Variants in SLC43A1 observed in about 807,000 individuals in gnomAD.
SLC43A1 encodes the protein large neutral amino acids transporter small subunit 3.
SLC43A1 carries 31 observed loss-of-function variants against 59.5 expected under a neutral mutation model. The observed-to-expected ratio is 0.52, with a 90% CI of 0.39 to 0.70. SLC43A1 has a LOEUF of 0.70. SLC43A1 is among the 30% of genes least tolerant of loss of function. SLC43A1 has a pLI of 0.00. For missense variants in SLC43A1, 598 were observed against 717.8 expected (o/e 0.83, Z 1.91); for synonymous variants, 259 against 290.9 (o/e 0.89, Z 1.12).
intron 2 of SLC43A1, among the ~76,000 whole-genome samples, chr11:57,506,694 C>A (rs960624011): frequency 1.1e-5 from 1 of 92,190 alleles, no homozygotes; most frequent in African/African-American, 4.9e-5. Context: ...GAAACTAAAT[C>A]TTTACTCTGC....
At chr11:57,499,836 A>G (rs1464232169) in intron 5 of SLC43A1, among the ~76,000 whole-genome samples, 1 of 152,150 alleles carries the variant, frequency 6.6e-6, no homozygotes, top group African/African-American at 2.4e-5. Flanking sequence ...GTCTGAGGTC[A>G]AGCGCCGGAG....
chr11:57,501,816 A>T (rs968029219), intron 2 of SLC43A1, among the ~76,000 whole-genome samples: 1 of 152,224 alleles, frequency 6.6e-6, no homozygotes, highest in Admixed American at 6.5e-5. Context: ...CCTGGGCAAC[A>T]TGGTAAAACC....
intron 13 of SLC43A1, 46 bp downstream of exon 13, chr11:57,488,860 GGTTCTCTGAT>G (rs1943817388): frequency 1.4e-6 from 2 of 1,463,544 alleles, no homozygotes; most frequent in Non-Finnish European, 1.9e-6. Context: ...CCTTCCCTGG[GGTTCTCTGAT>G]CACGGTTGCA....
chr11:57,492,568 ATATAT>A (rs1943957040), intron 8 of SLC43A1, among the ~76,000 whole-genome samples: 13 of 28,158 alleles, frequency 4.6e-4, no homozygotes, highest in Admixed American at 1.3e-3. Flanking sequence ...ATATATATAT[ATATAT>A]AAAAAAATAA....
Position 57,501,337 on chromosome 11 carries a change from G to T in SLC43A1, c.155-8C>A. ...TGTTGGTGCTGCTCTCAGCTGAGGA[G>T]GGGGAAGGGAGGGCTCAGCACATGA... On this transcript the variant is annotated splice_polypyrimidine_tract_variant and splice_region_variant and intron_variant, in intron 2 of 14. Coordinates refer to ENST00000278426, the MANE Select transcript of SLC43A1 (RefSeq NM_003627.6). The T allele has an allele frequency of 6.2e-7, 1 of 1,606,714 alleles. No individual in the cohort carries two copies.
chr11:57,504,892 AG>A (rs1463478134), intron 2 of SLC43A1, among the ~76,000 whole-genome samples: 2 of 152,238 alleles, frequency 1.3e-5, no homozygotes, highest in African/African-American at 2.4e-5. Flanking sequence ...TTCATAAGGA[AG>A]GCTTGATCAC....
intron 7 of SLC43A1, 118 bp downstream of exon 7, chr11:57,495,913 G>A (rs765565624): frequency 5.8e-5 from 69 of 1,180,368 alleles, no homozygotes; most frequent in Non-Finnish European, 8.0e-5. Context: ...GGGCTCAAGC[G>A]ATTTGCCAAG....
intron 8 of SLC43A1, among the ~76,000 whole-genome samples, chr11:57,492,148 C>G (rs1394441639): frequency 6.6e-6 from 1 of 151,184 alleles, no homozygotes; most frequent in Non-Finnish European, 1.5e-5. Flanking sequence ...GTAGGAGGAT[C>G]ACTTGAGCCC....
At position 57,487,087 on chromosome 11, in the gene SLC43A1, G is replaced by C; in HGVS notation, c.1533+8C>G. 6.2e-7 allele frequency: 1 copy of C among 1,613,042 alleles called. No individual in the cohort carries two copies. The highest frequency in any genetic ancestry group is 8.5e-7 in the Non-Finnish European group (1 of 1,179,602). ...TCCTGCTCCCCCCACACCAACCCTCGCTCTCACCCAGAAGGGCTCTCCTTT... is the reference window on the plus strand; with the variant it reads ...TCCTGCTCCCCCCACACCAACCCTCCCTCTCACCCAGAAGGGCTCTCCTTT... On this transcript the variant is annotated splice_region_variant and intron_variant, in intron 14 of 14. Transcript: ENST00000278426.
intron 11 of SLC43A1, 103 bp from the exon 12 acceptor site, chr11:57,489,495 C>T: frequency 7.4e-7 from 1 of 1,346,044 alleles, no homozygotes; most frequent in Non-Finnish European, 1.0e-6. Flanking sequence ...GATGTCAGGG[C>T]AGCAGAAAAC....
rs1944620880 is a variant in SLC43A1, at chr11:57,514,106, GGCCATGCTGGCCCC to G, written c.-9_5del. The stretch of plus-strand genomic sequence containing the variant: ...TCCGGTACGCCTGTTGCAGCGTGGG[GGCCATGCTGGCCCC>G]GAGCCTGCACAGAAACAGAGCGCTG... On this transcript the variant is annotated start_lost and 5_prime_UTR_variant, in exon 2 of 15. Transcript: ENST00000278426. This position sits in a 1 kb window ranked among gnomAD's most constrained non-coding sequence, Gnocchi z 5.5. 6.3e-7 allele frequency: 1 copy of G among 1,588,272 alleles called. No homozygotes were observed. The highest frequency in any genetic ancestry group is 8.6e-7 in the Non-Finnish European group (1 of 1,168,422).
rs1944631044 is a variant in SLC43A1 at position 57,514,433 on chromosome 11, C to T, written c.-13-309G>A. The T allele has an allele frequency of 2.1e-5, 7 of 332,092 alleles. No individual in the cohort carries two copies. Among genetic ancestry groups the T allele is most frequent in the Non-Finnish European group, 1.7e-5 (3 of 179,594 alleles). The allele number at this position is 332,092 out of a possible 1,614,324, so 20.6% of individuals were successfully genotyped here. A position where few individuals can be genotyped will look rare whatever the true frequency, so the allele number is the denominator to read the frequency against. ...CCAGGCCAGGGCGCTCAGGGCCGGG[C>T]TGCTGGGGAGAAAGTCCGCATCTGC... On this transcript the variant is annotated intron_variant, in intron 1 of 14. Coordinates refer to ENST00000278426, the MANE Select transcript of SLC43A1 (RefSeq NM_003627.6). The surrounding 1 kb of genome is among the most constrained non-coding windows in gnomAD (Gnocchi z 5.5).
At chr11:57,505,529 CA>C in intron 2 of SLC43A1, among the ~76,000 whole-genome samples, 1 of 151,232 alleles carries the variant, frequency 6.6e-6, no homozygotes, top group East Asian at 1.9e-4. Context: ...CTAACAACAA[CA>C]AAAAAAATAA....
At position 57,497,764 on chromosome 11, in the gene SLC43A1, G is replaced by A. The variant is rs775770599; in HGVS notation, c.547C>T (p.Pro183Ser). 5.6e-6 allele frequency: 9 copies of A among 1,613,062 alleles called. No homozygotes were observed. Among genetic ancestry groups the A allele is most frequent in the Non-Finnish European group, 5.9e-6 (7 of 1,179,430 alleles). The change falls in exon 6 of 15, where the codon CCA becomes TCA. Residue 183 changes from proline to serine, a missense_variant. Physicochemically the swap from Pro to Ser is moderately conservative, Grantham distance 74 (BLOSUM62 -1). Coordinates refer to ENST00000278426, the MANE Select transcript of SLC43A1 (RefSeq NM_003627.6). ...AGGTGGCCTCATACCTTGATTCCTG[G>A]GAACGTAATGGCAGAAGAGGCGTAA... ...GSYASSAITF[P>S]GIKLIYDAGV... is the part of the protein sequence containing the mutation.
intron 2 of SLC43A1, 95 bp downstream of exon 2, chr11:57,513,863 G>A (rs1944612629): frequency 3.1e-6 from 3 of 982,530 alleles, no homozygotes; most frequent in East Asian, 2.6e-5. Context: ...TGCTGACCCT[G>A]CTTTCTGTCC....
Position 57,497,843 on chromosome 11 carries a change from C to T in SLC43A1, c.468G>A (p.Leu156=). 2 of 1,612,524 alleles carry T rather than the reference C, an allele frequency of 1.2e-6. No individual in the cohort carries two copies. Among genetic ancestry groups the T allele is most frequent in the Non-Finnish European group, 1.7e-6 (2 of 1,179,408 alleles). The change falls in exon 6 of 15, where the codon CTG becomes CTA. Residue 156 remains leucine, a splice_region_variant and synonymous_variant. Coordinates refer to ENST00000278426, the MANE Select transcript of SLC43A1 (RefSeq NM_003627.6). ...AGCGCAGGTTCCCAAACATGTTGGG[C>T]AGCTGAGGAGGGAAAGCAGCACCCA... ...GICLTFTSLT[L]PNMFGNLRST... is the part of the protein sequence containing the mutation.
intron 8 of SLC43A1, among the ~76,000 whole-genome samples, chr11:57,492,539 T>TAATAATATA: frequency 6.5e-4 from 2 of 3,074 alleles, no homozygotes; most frequent in Non-Finnish European, 2.7e-3. Context: ...ATTTTGTGTA[T>TAATAATATA]ATATATATAT....
At chr11:57,506,821 C>T (rs548833082) in intron 2 of SLC43A1, among the ~76,000 whole-genome samples, 1 of 152,320 alleles carries the variant, frequency 6.6e-6, no homozygotes, top group Admixed American at 6.5e-5. Flanking sequence ...GTAGTGAGGA[C>T]TAAATATCTA....
In SLC43A1 at chr11:57,496,182, AG is replaced by A; in HGVS notation, c.559-19del. 6.2e-7 allele frequency: 1 copy of A among 1,613,378 alleles called. No homozygotes were observed. The highest frequency in any genetic ancestry group is 8.5e-7 in the Non-Finnish European group (1 of 1,179,702). On this transcript the variant is annotated intron_variant, in intron 6 of 14. Coordinates refer to ENST00000278426, the MANE Select transcript of SLC43A1 (RefSeq NM_003627.6). The stretch of plus-strand genomic sequence containing the variant: ...TAGATCAGCTGTGAGAGGAGGGGGC[AG>A]GCCCGTGGGGGAGACTGCCTGGCCC...
Sources: gnomAD v4.1 joint callset for allele counts (sites outside exome capture counted in the v4.1 genomes callset) on GRCh38, gnomAD v4.1.1 for gene constraint, Gnocchi (gnomAD v3.1) non-coding constraint, MANE v1.5 for transcripts, NCBI Gene and HGNC (gene_info 2026-07-23, HGNC 2026-07-21) for gene names.